SLC17A5: variants seen among roughly 807,000 people sequenced by gnomAD.
The protein encoded by SLC17A5 is sialin.
SLC17A5 carries 47 observed loss-of-function variants against 59.4 expected under a neutral mutation model. The ratio of observed to expected loss-of-function variants is 0.79; its 90% CI spans 0.63 to 1.01. SLC17A5 has a LOEUF of 1.01. SLC17A5 is among the 50% of genes least tolerant of loss of function. The pLI is 0.00. For synonymous variants in SLC17A5, 202 were observed against 210.7 expected (o/e 0.96, Z 0.36); for missense variants, 522 against 595.5 (o/e 0.88, Z 1.28).
intron 6 of SLC17A5, among the ~76,000 whole-genome samples, chr6:73,632,677 A>T (rs1294153244): frequency 1.3e-5 from 2 of 151,478 alleles, no homozygotes; most frequent in East Asian, 3.9e-4. Context: ...CCTGGGCCCA[A>T]GCAATCCTTC....
intron 6 of SLC17A5, among the ~76,000 whole-genome samples, chr6:73,624,454 G>A (rs1424664923): frequency 6.6e-6 from 1 of 151,922 alleles, no homozygotes; most frequent in Non-Finnish European, 1.5e-5. Context: ...TAGCAAAGAA[G>A]TTTTTTTCTA....
intron 6 of SLC17A5, among the ~76,000 whole-genome samples, chr6:73,632,979 T>C (rs1768823430): frequency 6.6e-6 from 1 of 151,988 alleles, no homozygotes; most frequent in Non-Finnish European, 1.5e-5. Flanking sequence ...ACTCTAAACT[T>C]TCAAAGTAAC....
intron 10 of SLC17A5, among the ~76,000 whole-genome samples, chr6:73,599,075 G>A (rs1414659848): frequency 6.6e-6 from 1 of 152,136 alleles, no homozygotes; most frequent in Non-Finnish European, 1.5e-5. Flanking sequence ...CCAGCTACCT[G>A]GGAGGCTGAG....
intron 7 of SLC17A5, among the ~76,000 whole-genome samples, chr6:73,616,421 T>C (rs772180826): frequency 3.9e-5 from 6 of 152,146 alleles, no homozygotes; most frequent in Non-Finnish European, 7.3e-5. Flanking sequence ...TTGATTTGCC[T>C]TTTATGTCTC....
At chr6:73,623,667 TTTATTTA>T (rs1768264769) in intron 6 of SLC17A5, among the ~76,000 whole-genome samples, 3 of 18,876 alleles carry the variant, frequency 1.6e-4, no homozygotes, top group South Asian at 2.0e-3. Flanking sequence ...TTTATTTTTA[TTTATTTA>T]TTTATTTATT....
intron 9 of SLC17A5, among the ~76,000 whole-genome samples, chr6:73,602,632 G>A (rs140670430): frequency 6.6e-6 from 1 of 151,902 alleles, no homozygotes; most frequent in Non-Finnish European, 1.5e-5. Context: ...AAAATTAGCC[G>A]GCCGTGATGG....
At chr6:73,604,128 G>A (rs1767288197) in intron 9 of SLC17A5, among the ~76,000 whole-genome samples, 1 of 152,012 alleles carries the variant, frequency 6.6e-6, no homozygotes, top group African/African-American at 2.4e-5. Flanking sequence ...GCTTGGCAGA[G>A]CCTCTCTTTT....
intron 8 of SLC17A5, among the ~76,000 whole-genome samples, chr6:73,613,109 GTTCT>G (rs373361268): frequency 8.5e-5 from 13 of 152,132 alleles, no homozygotes; most frequent in African/African-American, 3.1e-4. Flanking sequence ...GGTTCTTTGA[GTTCT>G]TTGATTTATA....
chr6:73,608,128 G>A (rs765282608), intron 9 of SLC17A5, among the ~76,000 whole-genome samples: 6 of 152,052 alleles, frequency 3.9e-5, no homozygotes, highest in Admixed American at 6.6e-5. Flanking sequence ...GGATGTTACC[G>A]ATGGATTCCT....
intron 3 of SLC17A5, 123 bp downstream of exon 3, chr6:73,641,568 A>T: frequency 4.0e-6 from 3 of 744,388 alleles, no homozygotes; most frequent in South Asian, 3.9e-5. Context: ...TCTCTAAAAA[A>T]TAAACCCCTG....
intron 7 of SLC17A5, among the ~76,000 whole-genome samples, chr6:73,620,301 A>T (rs552765752): frequency 2.0e-5 from 3 of 152,082 alleles, no homozygotes; most frequent in Admixed American, 1.3e-4. Flanking sequence ...TTCAATGCAC[A>T]GTTGAATGCA....
intron 10 of SLC17A5, among the ~76,000 whole-genome samples, chr6:73,595,817 A>G (rs932865844): frequency 4.6e-5 from 7 of 151,872 alleles, no homozygotes; most frequent in African/African-American, 1.7e-4. Flanking sequence ...GGCTGAGGCA[A>G]TCCTCCCAAC....
At chr6:73,651,375 C>A (rs1213341214) in intron 1 of SLC17A5, among the ~76,000 whole-genome samples, 1 of 141,642 alleles carries the variant, frequency 7.1e-6, no homozygotes, top group African/African-American at 2.7e-5. Flanking sequence ...GCAGGAGAAT[C>A]ACTTGAACCG....
chr6:73,596,518 C>T (rs566699339), intron 10 of SLC17A5, among the ~76,000 whole-genome samples: 1 of 152,170 alleles, frequency 6.6e-6, no homozygotes, highest in African/African-American at 2.4e-5. Context: ...TGGATTTTTT[C>T]AATTTCAGTC....
intron 2 of SLC17A5, among the ~76,000 whole-genome samples, chr6:73,643,694 C>T (rs1384888990): frequency 9.2e-5 from 14 of 151,948 alleles, no homozygotes; most frequent in Non-Finnish European, 2.1e-4. Flanking sequence ...CCAGGCTGGT[C>T]TCGAACTACT....
At chr6:73,624,174 C>A (rs949065198) in intron 6 of SLC17A5, among the ~76,000 whole-genome samples, 4 of 152,058 alleles carry the variant, frequency 2.6e-5, no homozygotes, top group African/African-American at 9.6e-5. Context: ...GAGGCCGAGG[C>A]GGGCAGATAA....
intron 7 of SLC17A5, among the ~76,000 whole-genome samples, chr6:73,616,803 C>T (rs643653): frequency 0.38 from 57,294 of 151,630 alleles, 11,938 homozygotes; most frequent in African/African-American, 0.56. Flanking sequence ...GACGGAGTTT[C>T]GCCATGTTGG....
At chr6:73,621,162 C>T (rs894224566) in intron 7 of SLC17A5, among the ~76,000 whole-genome samples, 9 of 152,052 alleles carry the variant, frequency 5.9e-5, no homozygotes, top group Non-Finnish European at 8.8e-5. Flanking sequence ...TGCACTACCA[C>T]GCCTGGTTAA....
chr6:73,620,720 G>A (rs1016946686), intron 7 of SLC17A5, among the ~76,000 whole-genome samples: 7 of 151,044 alleles, frequency 4.6e-5, no homozygotes, highest in Non-Finnish European at 1.0e-4. Flanking sequence ...AGCCTTGTTA[G>A]CATTTTTTTT....
Sources: gnomAD v4.1 joint callset for allele counts (sites outside exome capture counted in the v4.1 genomes callset) on GRCh38, gnomAD v4.1.1 for gene constraint, MANE v1.5 for transcripts, NCBI Gene and HGNC (gene_info 2026-07-23, HGNC 2026-07-21) for gene names.